Variants in AHI1 observed in about 807,000 individuals in gnomAD.
AHI1 encodes the protein Abelson helper integration site 1.
In AHI1, 123 loss-of-function variants were observed where a neutral mutation model predicts 149.3. The ratio of observed to expected loss-of-function variants is 0.82; its 90% CI spans 0.71 to 0.96. The LOEUF is 0.96. Ranked by LOEUF, AHI1 falls within the 40% of genes least tolerant of loss-of-function variation. AHI1 has a pLI of 0.00. For synonymous variants in AHI1, 475 were observed against 459.8 expected, an observed-to-expected ratio of 1.03 and a Z score of -0.42; for missense variants, 1,439 against 1,422.7, an observed-to-expected ratio of 1.01 and a Z score of -0.18.
intron 20 of AHI1, among the ~76,000 whole-genome samples, chr6:135,425,723 T>G (rs1340612353): frequency 6.6e-6 from 1 of 151,792 alleles, no homozygotes. Context: ...TTTTTTAGAC[T>G]CCTAAAATGC....
At chr6:135,291,027 T>TGAA (rs1468499081) in intron 27 of AHI1, among the ~76,000 whole-genome samples, 3 of 151,962 alleles carry the variant, frequency 2.0e-5, no homozygotes, top group African/African-American at 7.3e-5. Flanking sequence ...ATCTGTGGAA[T>TGAA]GAACAATGTA....
intron 3 of AHI1, chr6:135,495,528 A>G (rs1795839765): frequency 6.6e-6 from 1 of 152,206 alleles, no homozygotes; most frequent in African/African-American, 2.4e-5. Context: ...TTCTCTAGAG[A>G]GCATTCTCAC....
At chr6:135,357,148 A>G (rs1441174969) in intron 24 of AHI1, among the ~76,000 whole-genome samples, 2 of 152,224 alleles carry the variant, frequency 1.3e-5, no homozygotes, top group Non-Finnish European at 2.9e-5. Context: ...CATGTTGGCC[A>G]GGATGGTCTC....
intron 15 of AHI1, among the ~76,000 whole-genome samples, chr6:135,434,854 C>T (rs375234970): frequency 7.9e-5 from 12 of 151,968 alleles, no homozygotes; most frequent in Admixed American, 5.9e-4. Flanking sequence ...CACATATAGG[C>T]CTGTGTGGGA....
rs866241058 is a variant in AHI1 at position 135,340,654 on chromosome 6, C to T, written c.3166-17330G>A. Among the ~76,000 whole-genome samples the T allele has an allele frequency of 2.2e-3, 128 of 58,594 alleles. 4 individuals are homozygous for T. In the East Asian group the frequency reaches 0.051, roughly 23 times the overall value. The allele number at this position is 58,594 out of a possible 152,430, so 38.4% of individuals were successfully genotyped here. The stretch of plus-strand genomic sequence containing the variant: ...AAAAACCAGTACATATATATACATA[C>T]ATACATATATATATATATATATATA... On this transcript the variant is annotated intron_variant, in intron 24 of 28. Coordinates refer to ENST00000265602, the MANE Select transcript of AHI1 (RefSeq NM_001134831.2).
intron 24 of AHI1, among the ~76,000 whole-genome samples, chr6:135,326,191 C>T (rs947644283): frequency 1.3e-5 from 2 of 152,322 alleles, no homozygotes; most frequent in South Asian, 2.1e-4. Flanking sequence ...GAAGTCCTAG[C>T]TCCCAATGTG....
At chr6:135,345,972 T>C (rs973982079) in intron 24 of AHI1, among the ~76,000 whole-genome samples, 3 of 152,092 alleles carry the variant, frequency 2.0e-5, no homozygotes, top group Admixed American at 6.5e-5. Context: ...ATTCTGGCCA[T>C]GGAAATGGAC....
intron 5 of AHI1, among the ~76,000 whole-genome samples, chr6:135,488,575 CA>C (rs1284187436): frequency 4.0e-5 from 6 of 151,820 alleles, no homozygotes; most frequent in Non-Finnish European, 7.4e-5. Flanking sequence ...TTCTCATGTG[CA>C]AAAAAAGAAT....
intron 15 of AHI1, chr6:135,435,259 A>T (rs918182717): frequency 3.9e-5 from 6 of 152,170 alleles, no homozygotes; most frequent in Admixed American, 6.5e-5. Context: ...AAGAGTCCTA[A>T]ATTAGTATCA....
chr6:135,403,031 T>A (rs566938086), intron 22 of AHI1, among the ~76,000 whole-genome samples: 1 of 152,304 alleles, frequency 6.6e-6, no homozygotes, highest in South Asian at 2.1e-4. Flanking sequence ...AAGAAGTCAG[T>A]TATAAATGAC....
chr6:135,428,935 A>C (rs557858305), intron 18 of AHI1, among the ~76,000 whole-genome samples, 176 bp from the exon 19 acceptor site: 2 of 151,826 alleles, frequency 1.3e-5, no homozygotes, highest in East Asian at 3.9e-4. Context: ...GCTAGTCCCA[A>C]GAGCCCAGGG....
chr6:135,466,137 T>C lies in AHI1; in HGVS notation c.426A>G (p.Lys142=). 6.2e-7 allele frequency: 1 copy of C among 1,613,842 alleles called. No homozygotes were observed. The highest frequency in any genetic ancestry group is 8.5e-7 in the Non-Finnish European group (1 of 1,179,840). The change falls in exon 7 of 29, where the codon AAA becomes AAG. Residue 142 remains lysine (K), a synonymous_variant. Coordinates refer to ENST00000265602, the MANE Select transcript of AHI1 (RefSeq NM_001134831.2). ...CAACCTTATTCTCAGGAGTTTCCGG[T>C]TTCAGGTCTTGTGTAGTCAACTGGG... ...TVPQLTTQDL[K]PETPENKVDS...
intron 23 of AHI1, among the ~76,000 whole-genome samples, chr6:135,372,506 C>G (rs1045393182): frequency 7.5e-5 from 10 of 132,840 alleles, no homozygotes; most frequent in African/African-American, 2.8e-4. Context: ...CTGTCTCTAC[C>G]GGAAAAAAAA....
rs558708131 is a variant in AHI1, at chr6:135,317,248, C to T, written c.3426+1271G>A. ...GTTCATGTCATTCCCTGAATTACGT[C>T]CTTCAGGGGATCCCCTTCGTCAGGA... On this transcript the variant is annotated intron_variant, in intron 26 of 28. Transcript: ENST00000265602. Among the ~76,000 whole-genome samples, 3 of 151,856 alleles carry T rather than the reference C, an allele frequency of 2.0e-5. No homozygotes were observed. In the East Asian group the frequency reaches 5.8e-4, roughly 29 times the overall value.
At chr6:135,363,095 G>A (rs1009857585) in intron 23 of AHI1, among the ~76,000 whole-genome samples, 12 of 151,148 alleles carry the variant, frequency 7.9e-5, no homozygotes, top group Non-Finnish European at 1.3e-4. Context: ...GTTTCTCGCA[G>A]AGGGGGATTT....
chr6:135,348,471 A>C (rs1253406862), intron 24 of AHI1, among the ~76,000 whole-genome samples: 2 of 152,154 alleles, frequency 1.3e-5, no homozygotes, highest in Non-Finnish European at 2.9e-5. Flanking sequence ...TCTTATTTTA[A>C]AGGCATGCAG....
chr6:135,376,227 T>C (rs1278623519), intron 23 of AHI1, among the ~76,000 whole-genome samples: 2 of 152,176 alleles, frequency 1.3e-5, no homozygotes, highest in African/African-American at 4.8e-5. Flanking sequence ...GGATCATCAA[T>C]GGACACTGAA....
chr6:135,302,142 C>T (rs1266308335), intron 26 of AHI1: 22 of 985,032 alleles, frequency 2.2e-5, no homozygotes, highest in Non-Finnish European at 2.7e-5. Flanking sequence ...CAGGTGTGCG[C>T]CTCCATGTCC....
At chr6:135,444,326 A>G (rs1786814481) in intron 13 of AHI1, among the ~76,000 whole-genome samples, 1 of 152,028 alleles carries the variant, frequency 6.6e-6, no homozygotes, top group African/African-American at 2.4e-5. Context: ...TATTCCTCAC[A>G]TCCCTCACAA....
Sources: allele counts gnomAD v4.1 joint callset (sites outside exome capture counted in the v4.1 genomes callset), GRCh38; gene constraint gnomAD v4.1.1; transcripts MANE v1.5; gene names NCBI Gene and HGNC (gene_info 2026-07-23, HGNC 2026-07-21).